STXBP5L: variants seen among roughly 807,000 people sequenced by gnomAD.
STXBP5L encodes the protein syntaxin binding protein 5L.
Under a neutral mutation model 144.5 loss-of-function variants are expected in STXBP5L, and 65 were observed. The observed-to-expected ratio is 0.45, with a 90% CI of 0.37 to 0.55. The LOEUF is 0.55. Among genes scored for constraint, STXBP5L ranks in the 20% least tolerant of loss-of-function variants. STXBP5L has a pLI of 0.00. For synonymous variants in STXBP5L, 505 were observed against 469.6 expected, an observed-to-expected ratio of 1.08 and a Z score of -0.97; for missense variants, 1,298 against 1,405.5, an observed-to-expected ratio of 0.92 and a Z score of 1.22.
chr3:121,086,460 A>G lies in STXBP5L; in HGVS notation c.471-28465A>G, dbSNP rs142344536. On this transcript the variant is annotated intron_variant, in intron 5 of 26. Transcript: ENST00000471454. ...ATAGCACAATGCATTGCCCTTTTCTATATTTAAATATTTAGATACACAAAT... is the reference window on the plus strand; with the variant it reads ...ATAGCACAATGCATTGCCCTTTTCTGTATTTAAATATTTAGATACACAAAT... Among the ~76,000 whole-genome samples, 37 of 148,758 alleles carry G rather than the reference A, an allele frequency of 2.5e-4. No homozygotes were observed. The East Asian group carries it at 6.8e-3, about 27-fold the overall frequency.
chr3:121,264,882 A>G (rs2050508660), intron 18 of STXBP5L, among the ~76,000 whole-genome samples: 1 of 152,158 alleles, frequency 6.6e-6, no homozygotes, highest in Non-Finnish European at 1.5e-5. Context: ...AAAAAAGACA[A>G]ACAAGGGCAT....
intron 5 of STXBP5L, among the ~76,000 whole-genome samples, chr3:121,046,081 C>G (rs556100260): frequency 2.0e-5 from 3 of 152,030 alleles, no homozygotes; most frequent in South Asian, 2.1e-4. Flanking sequence ...TGAAGGACAT[C>G]GAATTGTACC....
chr3:121,165,865 T>A (rs1231121751), intron 9 of STXBP5L, among the ~76,000 whole-genome samples: 2 of 152,186 alleles, frequency 1.3e-5, no homozygotes, highest in Non-Finnish European at 2.9e-5. Flanking sequence ...TATACTTGGC[T>A]TGTCTCATTT....
chr3:120,997,260 A>G (rs369111349), intron 3 of STXBP5L, among the ~76,000 whole-genome samples: 37 of 152,108 alleles, frequency 2.4e-4, no homozygotes, highest in African/African-American at 8.9e-4. Context: ...ATATGCATGC[A>G]TGTGTCTTTA....
chr3:121,258,215 T>C (rs893588049), intron 17 of STXBP5L, among the ~76,000 whole-genome samples: 1 of 152,238 alleles, frequency 6.6e-6, no homozygotes, highest in African/African-American at 2.4e-5. Flanking sequence ...ACTGCTTCTA[T>C]ACCATCAAAT....
At chr3:121,244,592 A>C (rs2049780668) in intron 14 of STXBP5L, among the ~76,000 whole-genome samples, 1 of 152,132 alleles carries the variant, frequency 6.6e-6, no homozygotes, top group South Asian at 2.1e-4. Context: ...AAACAAGTCC[A>C]ATAATATGAA....
At chr3:121,058,817 G>T (rs187573734) in intron 5 of STXBP5L, among the ~76,000 whole-genome samples, 19 of 149,134 alleles carry the variant, frequency 1.3e-4, no homozygotes, top group African/African-American at 3.5e-4. Flanking sequence ...ACTTTTTGAT[G>T]GGGTTGTTTT....
At chr3:121,053,560 T>A (rs983074227) in intron 5 of STXBP5L, among the ~76,000 whole-genome samples, 1 of 151,854 alleles carries the variant, frequency 6.6e-6, no homozygotes, top group African/African-American at 2.4e-5. Flanking sequence ...TGAATTTGGA[T>A]CCCTTACACC....
At chr3:120,966,001 T>G (rs1462491399) in intron 3 of STXBP5L, among the ~76,000 whole-genome samples, 1 of 152,192 alleles carries the variant, frequency 6.6e-6, no homozygotes, top group African/African-American at 2.4e-5. Flanking sequence ...TTCTCTAAAC[T>G]TCTCCTGTGA....
At chr3:121,288,688 C>T (rs1559938723) in intron 19 of STXBP5L, among the ~76,000 whole-genome samples, 2 of 151,822 alleles carry the variant, frequency 1.3e-5, no homozygotes, top group African/African-American at 4.8e-5. Context: ...TTAATAAAAT[C>T]ATTTTTTTTG....
At chr3:120,916,234 T>C (rs546994348) in intron 2 of STXBP5L, among the ~76,000 whole-genome samples, 1 of 152,324 alleles carries the variant, frequency 6.6e-6, no homozygotes, top group South Asian at 2.1e-4. Context: ...ATATAATCAA[T>C]ATAATGAATT....
intron 18 of STXBP5L, among the ~76,000 whole-genome samples, chr3:121,265,239 C>A (rs1318578249): frequency 2.0e-5 from 3 of 152,300 alleles, no homozygotes; most frequent in African/African-American, 2.4e-5. Context: ...CACTCCTCAG[C>A]AAGTGCAAAA....
At chr3:121,085,852 G>A (rs1188753456) in intron 5 of STXBP5L, among the ~76,000 whole-genome samples, 1 of 151,870 alleles carries the variant, frequency 6.6e-6, no homozygotes, top group Non-Finnish European at 1.5e-5. Flanking sequence ...CCAAAAAAGG[G>A]CCCACATAGC....
rs1943065756 is a variant in STXBP5L, at chr3:120,993,195, A to G, written c.287+38158A>G. On this transcript the variant is annotated intron_variant, in intron 3 of 26. Transcript: ENST00000471454. The stretch of plus-strand genomic sequence containing the variant: ...CTGTTGAACTATTTGAGTTCCTTAT[A>G]TACTCTGGATATTAGTCCTTTGTTA... Among the ~76,000 whole-genome samples the G allele has an allele frequency of 2.0e-5, 3 of 152,084 alleles. No individual in the cohort carries two copies. In the South Asian group the frequency reaches 6.2e-4, roughly 31 times the overall value.
intron 19 of STXBP5L, among the ~76,000 whole-genome samples, chr3:121,313,612 C>A (rs1256181844): frequency 1.0e-5 from 1 of 99,282 alleles, no homozygotes; most frequent in African/African-American, 3.9e-5. Context: ...GCCGACCCCC[C>A]CCCCCGCCTC....
intron 19 of STXBP5L, among the ~76,000 whole-genome samples, chr3:121,287,000 C>T (rs2051254618): frequency 6.6e-6 from 1 of 152,016 alleles, no homozygotes; most frequent in Non-Finnish European, 1.5e-5. Flanking sequence ...GCATCTACAG[C>T]TCACAAAAGA....
Position 121,218,047 on chromosome 3 carries a change from A to G in STXBP5L, c.957-4956A>G, listed in dbSNP as rs560808999. Among the ~76,000 whole-genome samples the G allele has an allele frequency of 2.8e-3, 399 of 143,460 alleles. 6 individuals are homozygous for G. The highest frequency in any genetic ancestry group is 9.7e-3 in the African/African-American group (382 of 39,188). 94.1% of individuals were successfully genotyped at this position (143,460 alleles called of 152,430 possible). On this transcript the variant is annotated intron_variant, in intron 10 of 26. Transcript: ENST00000471454. ...AGTATAATATACTATATAATATACT[A>G]TATATAATATATATACACTATATAC...
At chr3:121,270,862 A>G (rs1420166476) in intron 18 of STXBP5L, among the ~76,000 whole-genome samples, 3 of 152,134 alleles carry the variant, frequency 2.0e-5, no homozygotes, top group African/African-American at 7.2e-5. Context: ...TAAATTAAGC[A>G]TTTTGGCAGG....
In STXBP5L at chr3:121,114,958, A is replaced by G; in HGVS notation, c.504A>G (p.Lys168=). Reference sequence around the variant, plus strand: ...ACTGTCATCTACCTTTCCAGAGTAAATGGCTTTATGTTGGAACAGAAAGAG... The same window carrying G: ...ACTGTCATCTACCTTTCCAGAGTAAGTGGCTTTATGTTGGAACAGAAAGAG... ...ITYCHLPFQS[K]WLYVGTERGN... Residue 168 remains lysine (K), a synonymous_variant, in exon 6 of 27, where the codon AAA becomes AAG. Transcript: ENST00000471454. 12 of 1,587,216 alleles carry G rather than the reference A, an allele frequency of 7.6e-6. No individual in the cohort carries two copies. Among genetic ancestry groups the G allele is most frequent in the South Asian group, 1.2e-5 (1 of 84,920 alleles).
Sources: allele counts gnomAD v4.1 joint callset (sites outside exome capture counted in the v4.1 genomes callset), GRCh38; gene constraint gnomAD v4.1.1; transcripts MANE v1.5; gene names NCBI Gene and HGNC (gene_info 2026-07-23, HGNC 2026-07-21).